TIAM1: variants seen among roughly 807,000 people sequenced by gnomAD.
TIAM1 encodes TIAM Rac1 associated GEF 1, also known as rho guanine nucleotide exchange factor TIAM1.
In TIAM1, 65 loss-of-function variants were observed where a neutral mutation model predicts 163.5. That is an observed-to-expected ratio of 0.40 (90% CI 0.33 to 0.49). TIAM1 has a LOEUF of 0.49. TIAM1 is among the 20% of genes least tolerant of loss of function. The pLI, the probability that TIAM1 is intolerant of heterozygous loss-of-function variation, is 0.77. For missense variants in TIAM1, 1,789 were observed against 2,044.7 expected (o/e 0.87, Z 2.41); for synonymous variants, 833 against 810.1 (o/e 1.03, Z -0.48).
At chr21:31,505,906 G>A (rs1043611444) in intron 1 of TIAM1, among the ~76,000 whole-genome samples, 3 of 151,400 alleles carry the variant, frequency 2.0e-5, no homozygotes, top group African/African-American at 7.3e-5. Context: ...CTACTTGGGA[G>A]GCTGAGGCAG....
At chr21:31,477,948 C>T (rs1243157425) in intron 1 of TIAM1, among the ~76,000 whole-genome samples, 7 of 152,168 alleles carry the variant, frequency 4.6e-5, no homozygotes, top group Non-Finnish European at 1.0e-4. Context: ...TGTTAGTTTA[C>T]AGAATATCTC....
At chr21:31,272,868 T>C (rs2073125639) in intron 3 of TIAM1, among the ~76,000 whole-genome samples, 1 of 151,940 alleles carries the variant, frequency 6.6e-6, no homozygotes, top group African/African-American at 2.4e-5. Context: ...GATCAGAAAG[T>C]ACAAAGCAAA....
intron 2 of TIAM1, among the ~76,000 whole-genome samples, chr21:31,425,719 CAG>C (rs1569320310): frequency 7.0e-6 from 1 of 143,054 alleles, no homozygotes; most frequent in Non-Finnish European, 1.5e-5. Context: ...CTTTTTGAGA[CAG>C]AGTCTCGCTC....
At chr21:31,142,521 CTCAGGAGGTGGAG>C (rs2082894757) in intron 20 of TIAM1, among the ~76,000 whole-genome samples, 1 of 140,194 alleles carries the variant, frequency 7.1e-6, no homozygotes, top group Non-Finnish European at 1.5e-5. Flanking sequence ...ATCCCAGCTA[CTCAGGAGGTGGAG>C]GCAGGAGAAT....
At chr21:31,413,256 TTTC>T (rs201358576) in intron 2 of TIAM1, among the ~76,000 whole-genome samples, 1,657 of 145,688 alleles carry the variant, frequency 0.011, 40 homozygotes, top group African/African-American at 0.041. Context: ...TTTCTTTTCT[TTTC>T]TTTTCTTTTT....
intron 2 of TIAM1, among the ~76,000 whole-genome samples, chr21:31,450,515 A>T (rs1213812859): frequency 6.6e-6 from 1 of 152,130 alleles, no homozygotes; most frequent in African/African-American, 2.4e-5. Context: ...AATGCAGAGC[A>T]CATACCCAAA....
chr21:31,158,713 C>A (rs2083749014), intron 16 of TIAM1, among the ~76,000 whole-genome samples: 1 of 152,074 alleles, frequency 6.6e-6, no homozygotes. Flanking sequence ...TTATGAAATG[C>A]AGGTTTTCTT....
At chr21:31,459,094 G>A (rs998903710) in intron 2 of TIAM1, among the ~76,000 whole-genome samples, 3 of 150,114 alleles carry the variant, frequency 2.0e-5, no homozygotes, top group African/African-American at 4.9e-5. Flanking sequence ...TCAACCGGAG[G>A]AGTAAGGAGA....
intron 2 of TIAM1, among the ~76,000 whole-genome samples, chr21:31,457,086 C>T (rs916681092): frequency 6.6e-6 from 1 of 152,104 alleles, no homozygotes; most frequent in East Asian, 1.9e-4. Context: ...TTACTGACTC[C>T]CCATGTCTCC....
At chr21:31,402,560 TG>T (rs1219418841) in intron 2 of TIAM1, among the ~76,000 whole-genome samples, 1 of 152,162 alleles carries the variant, frequency 6.6e-6, no homozygotes, top group Non-Finnish European at 1.5e-5. Flanking sequence ...CATTTTTGCA[TG>T]AGTTCACTTG....
intron 23 of TIAM1, 150 bp downstream of exon 23, chr21:31,135,783 T>G: frequency 1.4e-4 from 100 of 699,962 alleles, no homozygotes; most frequent in Non-Finnish European, 1.9e-4. Context: ...TTAGTGTTTG[T>G]GAGATGTTGG....
chr21:31,537,518 A>G (rs1324111551), intron 1 of TIAM1, among the ~76,000 whole-genome samples: 1 of 151,970 alleles, frequency 6.6e-6, no homozygotes, highest in African/African-American at 2.4e-5. Context: ...TTGGGAGGCT[A>G]AGGTGGGTGG....
At position 31,185,576 on chromosome 21, in the gene TIAM1, TTAATA is replaced by T. The variant is rs1295292196; in HGVS notation, c.2662+1420_2662+1424del. Reference sequence around the variant, plus strand: ...ATATATTAATATAATATATTATATATTAATATAATATATTATATATCATATAGCTA... The same window carrying T: ...ATATATTAATATAATATATTATATATTAATATATTATATATCATATAGCTA... On this transcript the variant is annotated intron_variant, in intron 14 of 27. Coordinates refer to ENST00000541036, the MANE Select transcript of TIAM1 (RefSeq NM_001353694.2). Among the ~76,000 whole-genome samples the T allele has an allele frequency of 8.6e-3, 1,229 of 143,350 alleles. 8 individuals are homozygous for T. The highest frequency in any genetic ancestry group is 0.013 in the Non-Finnish European group (831 of 66,420). The allele number at this position is 143,350 out of a possible 152,430, so 94.0% of individuals were successfully genotyped here. A position where few individuals can be genotyped will look rare whatever the true frequency, so the allele number is the denominator to read the frequency against.
chr21:31,158,906 A>G lies in TIAM1; in HGVS notation c.2992-4480T>C, dbSNP rs78125872. Among the ~76,000 whole-genome samples the G allele has an allele frequency of 4.2e-4, 64 of 152,136 alleles. 2 individuals carry two copies. The East Asian group carries it at 0.011, about 26-fold the overall frequency. ...AAGGCTTTGCCCCGCTCCACCACTG[A>G]GTGTTACAGATGGCATCCTAGTCAT... On this transcript the variant is annotated intron_variant, in intron 16 of 27. Transcript: ENST00000541036.
intron 1 of TIAM1, among the ~76,000 whole-genome samples, chr21:31,489,096 G>A (rs2046369741): frequency 2.0e-5 from 3 of 151,732 alleles, no homozygotes; most frequent in Admixed American, 2.0e-4. Context: ...TGGGCCGGGT[G>A]CAGTAGCTCA....
chr21:31,226,043 A>G (rs1452001807), intron 6 of TIAM1, 93 bp from the exon 7 acceptor site: 2 of 1,117,168 alleles, frequency 1.8e-6, no homozygotes, highest in Admixed American at 2.2e-5. Context: ...AATGCCTGGG[A>G]GTCGAGGTGA....
rs754867320 is a variant in TIAM1 at position 31,266,134 on chromosome 21, G to A, written c.839C>T (p.Thr280Ile). Residue 280 changes from threonine to isoleucine, a missense_variant, in exon 4 of 28, where the codon ACT (threonine) becomes ATT (isoleucine). Around this residue, in one of 5 missense-constraint regions of TIAM1, gnomAD observed 555 missense variants for 564.9 expected, o/e 0.98. Transcript: ENST00000541036. The part of the protein sequence containing the change: ...HKMPPAAAEE[T>I]PPYSNYNTLP... Reference sequence around the variant, plus strand: ...TGTGTTATAATTACTGTACGGAGGAGTCTCTTCAGCAGCAGCTGGTGGCAT... The same window carrying A: ...TGTGTTATAATTACTGTACGGAGGAATCTCTTCAGCAGCAGCTGGTGGCAT... 4.0e-5 allele frequency: 64 copies of A among 1,614,066 alleles called. 1 individual carries two copies. In the Middle Eastern group the frequency reaches 6.6e-4, roughly 17 times the overall value.
intron 2 of TIAM1, among the ~76,000 whole-genome samples, chr21:31,335,547 A>T (rs369216386): frequency 6.2e-4 from 94 of 152,170 alleles, no homozygotes; most frequent in African/African-American, 2.2e-3. Context: ...TCTATTAAAA[A>T]TACAAAAATT....
intron 2 of TIAM1, among the ~76,000 whole-genome samples, chr21:31,284,456 G>T (rs187116713): frequency 2.0e-5 from 3 of 152,092 alleles, no homozygotes; most frequent in East Asian, 1.9e-4. Context: ...CAGCAGGGGG[G>T]GTGGAGGGTA....
Sources: allele counts gnomAD v4.1 joint callset (sites outside exome capture counted in the v4.1 genomes callset), GRCh38; gene constraint gnomAD v4.1.1; regional missense constraint gnomAD v4.1.1; transcripts MANE v1.5; gene names NCBI Gene and HGNC (gene_info 2026-07-23, HGNC 2026-07-21).